LRRTM4: variants seen among roughly 807,000 people sequenced by gnomAD.
LRRTM4 encodes leucine-rich repeat transmembrane neuronal protein 4.
In LRRTM4, 25 loss-of-function variants were observed where a neutral mutation model predicts 47.6. The ratio of observed to expected loss-of-function variants is 0.53; its 90% confidence interval spans 0.38 to 0.73. The LOEUF is 0.73. LRRTM4 is among the 30% of genes least tolerant of loss of function. The probability of loss-of-function intolerance (pLI) is 0.00; values close to 1 mark genes in which losing one functional copy is unlikely to be tolerated. For synonymous variants in LRRTM4, 311 were observed against 269.5 expected (o/e 1.15, Z -1.51); for missense variants, 638 against 713.4 (o/e 0.89, Z 1.20).
chr2:76,867,816 C>A (rs1194682013), intron 3 of LRRTM4, among the ~76,000 whole-genome samples: 1 of 152,126 alleles, frequency 6.6e-6, no homozygotes, highest in Admixed American at 6.6e-5. Flanking sequence ...CAGGTACACC[C>A]TTTCCCCTTA....
chr2:77,214,601 A>C (rs1674385519), intron 3 of LRRTM4, among the ~76,000 whole-genome samples: 3 of 152,166 alleles, frequency 2.0e-5, no homozygotes, highest in Admixed American at 6.6e-5. Flanking sequence ...TTGAGTTCAT[A>C]GTTTTTCATG....
At chr2:76,940,707 G>T (rs968733200) in intron 3 of LRRTM4, among the ~76,000 whole-genome samples, 1 of 152,124 alleles carries the variant, frequency 6.6e-6, no homozygotes. Context: ...ATTCTAGATT[G>T]TACGTACTAT....
chr2:76,901,138 C>G (rs987669577), intron 3 of LRRTM4, among the ~76,000 whole-genome samples: 2 of 152,080 alleles, frequency 1.3e-5, no homozygotes, highest in Admixed American at 6.6e-5. Context: ...CTGCACCTAT[C>G]AACCCATCAC....
chr2:76,791,011 C>G (rs1296999735), intron 3 of LRRTM4, among the ~76,000 whole-genome samples: 2 of 152,048 alleles, frequency 1.3e-5, no homozygotes, highest in Non-Finnish European at 2.9e-5. Flanking sequence ...ACATGATAAG[C>G]TAGGATGATG....
chr2:76,882,160 T>G (rs1036085497), intron 3 of LRRTM4, among the ~76,000 whole-genome samples: 2 of 152,152 alleles, frequency 1.3e-5, no homozygotes, highest in Non-Finnish European at 2.9e-5. Context: ...TAAAAGAAAT[T>G]AATATTTTCT....
intron 3 of LRRTM4, among the ~76,000 whole-genome samples, chr2:77,318,581 C>T (rs1351861812): frequency 6.6e-6 from 1 of 152,174 alleles, no homozygotes; most frequent in African/African-American, 2.4e-5. Flanking sequence ...CAAATAACCT[C>T]CTTACTTAAT....
At chr2:77,469,268 G>A (rs775779696) in intron 3 of LRRTM4, among the ~76,000 whole-genome samples, 115 of 152,320 alleles carry the variant, frequency 7.5e-4, no homozygotes, top group African/African-American at 2.6e-3. Context: ...CTGAAAGCAG[G>A]GGCAGTGGGC....
chr2:77,112,914 A>G (rs983988152), intron 3 of LRRTM4, among the ~76,000 whole-genome samples: 22 of 152,152 alleles, frequency 1.4e-4, no homozygotes, highest in African/African-American at 4.8e-4. Flanking sequence ...CGCATTCTCA[A>G]AAGCTAACAT....
intron 3 of LRRTM4, among the ~76,000 whole-genome samples, chr2:77,423,685 A>C (rs1167133665): frequency 1.3e-5 from 2 of 152,242 alleles, no homozygotes; most frequent in Non-Finnish European, 2.9e-5. Context: ...CTATGCAGAT[A>C]GGCGGCTAAT....
chr2:77,054,946 T>C (rs1316671675), intron 3 of LRRTM4, among the ~76,000 whole-genome samples: 1 of 152,216 alleles, frequency 6.6e-6, no homozygotes, highest in Non-Finnish European at 1.5e-5. Flanking sequence ...CCAAACAATT[T>C]ATTAGCAACC....
intron 3 of LRRTM4, among the ~76,000 whole-genome samples, chr2:77,172,380 A>T (rs1003709114): frequency 2.6e-5 from 4 of 152,090 alleles, no homozygotes; most frequent in South Asian, 2.1e-4. Context: ...GTAGATCACG[A>T]GATCAGGAGT....
intron 3 of LRRTM4, among the ~76,000 whole-genome samples, chr2:76,832,035 C>T (rs536763874): frequency 5.9e-5 from 9 of 151,998 alleles, no homozygotes; most frequent in African/African-American, 1.7e-4. Context: ...ATGAAGATGC[C>T]GGATACACTG....
chr2:77,200,510 T>A (rs1275380635), intron 3 of LRRTM4, among the ~76,000 whole-genome samples: 1 of 152,132 alleles, frequency 6.6e-6, no homozygotes, highest in Non-Finnish European at 1.5e-5. Flanking sequence ...CTAAAATGTT[T>A]ATGAAAAATA....
At chr2:76,799,939 A>C (rs772345333) in intron 3 of LRRTM4, among the ~76,000 whole-genome samples, 19,120 of 150,888 alleles carry the variant, frequency 0.13, 1,519 homozygotes, top group Admixed American at 0.21. Flanking sequence ...ACCACTGCTC[A>C]AGGAAATAAA....
rs1201601691 is a variant in LRRTM4 at position 77,164,338 on chromosome 2, T to C, written c.1551+353980A>G. ...AGTCCTTAGACACCTACAAAGGACT[T>C]AGACTCCCATACAATAATAATGAGA... On this transcript the variant is annotated intron_variant, in intron 3 of 3. Coordinates refer to ENST00000409884, the MANE Select transcript of LRRTM4 (RefSeq NM_001134745.3). 3.3e-5 allele frequency among the ~76,000 whole-genome samples: 5 copies of C among 152,262 alleles called. No homozygotes were observed. The East Asian group carries it at 5.8e-4, about 18-fold the overall frequency.
At chr2:77,475,049 T>C (rs1474050064) in intron 3 of LRRTM4, among the ~76,000 whole-genome samples, 2 of 152,096 alleles carry the variant, frequency 1.3e-5, no homozygotes, top group African/African-American at 2.4e-5. Context: ...CAACTGACTT[T>C]TTGAAAATCA....
intron 3 of LRRTM4, chr2:76,987,416 G>C (rs1473025580): frequency 6.6e-6 from 1 of 151,794 alleles, no homozygotes. Context: ...GTGATGTCTA[G>C]AGCAGTGATT....
intron 3 of LRRTM4, among the ~76,000 whole-genome samples, chr2:76,852,427 A>G (rs1423280766): frequency 6.6e-6 from 1 of 152,154 alleles, no homozygotes; most frequent in Non-Finnish European, 1.5e-5. Context: ...ATCCAAATAA[A>G]GTCCCAATCC....
chr2:77,392,646 A>T (rs1158657926), intron 3 of LRRTM4, among the ~76,000 whole-genome samples: 1 of 151,964 alleles, frequency 6.6e-6, no homozygotes, highest in African/African-American at 2.4e-5. Flanking sequence ...ACATGATCTC[A>T]CTTACAAGTG....
Sources: allele counts gnomAD v4.1 joint callset (sites outside exome capture counted in the v4.1 genomes callset), GRCh38; gene constraint gnomAD v4.1.1; transcripts MANE v1.5; gene names NCBI Gene and HGNC (gene_info 2026-07-23, HGNC 2026-07-21).